The following ADGRD1 variants were observed in gnomAD, a reference collection of about 807,000 sequenced individuals.
ADGRD1 encodes G-protein coupled receptor 133.
A neutral mutation model predicts 113.4 loss-of-function variants in ADGRD1; 77 were observed. The ratio of observed to expected loss-of-function variants is 0.68; its 90% confidence interval spans 0.57 to 0.82. The LOEUF is 0.82. ADGRD1 is among the 40% of genes least tolerant of loss of function. ADGRD1 has a pLI of 0.00. For synonymous variants in ADGRD1, 474 were observed against 475.0 expected, an observed-to-expected ratio of 1.00 and a Z score of 0.03; for missense variants, 1,036 against 1,139.1, an observed-to-expected ratio of 0.91 and a Z score of 1.30.
Position 131,086,714 on chromosome 12 carries a change from C to G in ADGRD1, c.1671+2051C>G, listed in dbSNP as rs567505184. On this transcript the variant is annotated intron_variant, in intron 15 of 24. Transcript: ENST00000261654. ...TGCAGCCAGTGTGATCCCGGCCTCA[C>G]TGGCCGACGGGCAGCTGCTCACGTG... is the stretch of plus-strand genomic sequence containing the variant. 1.6e-3 allele frequency among the ~76,000 whole-genome samples: 247 copies of G among 152,356 alleles called. 1 individual carries two copies. The highest frequency in any genetic ancestry group is 2.2e-3 in the Non-Finnish European group (153 of 68,022).
At chr12:131,031,304 C>T (rs940423739) in intron 13 of ADGRD1, among the ~76,000 whole-genome samples, 1 of 152,240 alleles carries the variant, frequency 6.6e-6, no homozygotes, top group Non-Finnish European at 1.5e-5. Flanking sequence ...GGCTCAAACA[C>T]TGGACGGTGG....
intron 15 of ADGRD1, among the ~76,000 whole-genome samples, chr12:131,104,201 A>G (rs1566112864): frequency 6.6e-6 from 1 of 152,072 alleles, no homozygotes; most frequent in East Asian, 1.9e-4. Flanking sequence ...GGCGGCAGCC[A>G]TTGTGCGGGG....
At position 131,138,124 on chromosome 12, in the gene ADGRD1, C is replaced by T; in HGVS notation, c.2437-13C>T. On this transcript the variant is annotated splice_polypyrimidine_tract_variant and intron_variant, in intron 23 of 24. Transcript: ENST00000261654. ...TCTGAAATTGCTCTCACGATCCCTT[C>T]CCCGCTTTCAAGGTGAGAGCCGCCT... 6.2e-7 allele frequency: 1 copy of T among 1,611,888 alleles called. No individual in the cohort carries two copies.
At position 131,063,159 on chromosome 12, in the gene ADGRD1, T is replaced by C. The variant is rs571442668; in HGVS notation, c.1474-13642T>C. 3.9e-5 allele frequency among the ~76,000 whole-genome samples: 6 copies of C among 152,358 alleles called. No individual in the cohort carries two copies. In the East Asian group the frequency reaches 7.7e-4, roughly 20 times the overall value. ...TTACAGATAGAATCTATAGATATTA[T>C]AGATAGATATGAGTTATGGATCTGG... On this transcript the variant is annotated intron_variant, in intron 13 of 24. Transcript: ENST00000261654.
intron 13 of ADGRD1, among the ~76,000 whole-genome samples, chr12:131,017,598 GCA>G (rs1178998371): frequency 3.4e-5 from 5 of 145,924 alleles, no homozygotes; most frequent in African/African-American, 1.0e-4. Flanking sequence ...CACACTCCCA[GCA>G]CAGACACACC....
chr12:130,955,048 C>A (rs1013641646), intron 2 of ADGRD1, among the ~76,000 whole-genome samples: 1 of 151,554 alleles, frequency 6.6e-6, no homozygotes, highest in African/African-American at 2.4e-5. Context: ...CAACCTCTGC[C>A]TCCCGGGTTC....
intron 4 of ADGRD1, among the ~76,000 whole-genome samples, chr12:130,973,919 C>T (rs1418118214): frequency 1.3e-5 from 2 of 152,108 alleles, no homozygotes; most frequent in African/African-American, 2.4e-5. Context: ...GAGATCTTGT[C>T]TCTAACTTAA....
At position 131,136,234 on chromosome 12, in the gene ADGRD1, G is replaced by C. The variant is rs1951082526; in HGVS notation, c.2394+71G>C. 4.4e-6 allele frequency: 7 copies of C among 1,573,662 alleles called. 1 individual carries two copies. In the Admixed American group the frequency reaches 1.3e-4, roughly 28 times the overall value. On this transcript the variant is annotated intron_variant, in intron 22 of 24. Transcript: ENST00000261654. ...AGGAGCAGGCTTGCAGGGAGCTAGG[G>C]CTGCAGGGGCAGGAGGGAGGCCTGC...
rs972418379 is a variant in ADGRD1, at chr12:131,057,527, C to T, written c.1474-19274C>T. Among the ~76,000 whole-genome samples, 4 of 152,172 alleles carry T rather than the reference C, an allele frequency of 2.6e-5. No homozygotes were observed. The highest frequency in any genetic ancestry group is 7.2e-5 in the African/African-American group (3 of 41,444). On this transcript the variant is annotated intron_variant, in intron 13 of 24. Transcript: ENST00000261654. The surrounding 1 kb of genome is among the most constrained non-coding windows in gnomAD (Gnocchi z 4.2). ...GTTCGTTCTGGAGGCTCAGCGGGAACGTCCACCCCTGCCTGTCTCCTAGTA... is the reference window on the plus strand; with the variant it reads ...GTTCGTTCTGGAGGCTCAGCGGGAATGTCCACCCCTGCCTGTCTCCTAGTA...
At position 131,004,238 on chromosome 12, in the gene ADGRD1, C is replaced by T. The variant is rs1566020530; in HGVS notation, c.1197C>T (p.Arg399=). The T allele has an allele frequency of 6.2e-7, 1 of 1,614,072 alleles. No homozygotes were observed. Among genetic ancestry groups the T allele is most frequent in the African/African-American group, 1.3e-5 (1 of 75,042 alleles). Residue 399 remains arginine, a synonymous_variant, in exon 11 of 25, where the codon CGC becomes CGT. Coordinates refer to ENST00000261654, the MANE Select transcript of ADGRD1 (RefSeq NM_198827.5). The part of the protein sequence containing the change: ...LPKTVNSSHY[R]FPAHGQSFIQ... ...AGACCGTGAATTCCTCCCATTACCG[C>T]TTCCCGGCCCACGGGCAGAGCTTCA... is the stretch of plus-strand genomic sequence containing the variant.
At chr12:131,021,424 C>T (rs1448316528) in intron 13 of ADGRD1, among the ~76,000 whole-genome samples, 1 of 152,166 alleles carries the variant, frequency 6.6e-6, no homozygotes, top group East Asian at 1.9e-4. Flanking sequence ...TCCCTGGTCA[C>T]TGTCCGATGC....
rs368750961 is a variant in ADGRD1, at chr12:131,027,935, C to G, written c.1473+13595C>G. 1 of 152,200 alleles carries G rather than the reference C, an allele frequency of 6.6e-6. No homozygotes were observed. Among genetic ancestry groups the G allele is most frequent in the Non-Finnish European group, 1.5e-5 (1 of 68,048 alleles). 9.4% of individuals were successfully genotyped at this position (152,200 alleles called of 1,614,324 possible). On this transcript the variant is annotated intron_variant, in intron 13 of 24. Transcript: ENST00000261654. This position sits in a 1 kb window ranked among gnomAD's most constrained non-coding sequence, Gnocchi z 5.1. ...CCAGACGCCAGCAGAACAGAGCTGC[C>G]GGATGTTCTAGTGAGCGCGTTTCTG...
At chr12:131,010,147 C>A (rs1337466891) in intron 12 of ADGRD1, among the ~76,000 whole-genome samples, 1 of 152,200 alleles carries the variant, frequency 6.6e-6, no homozygotes, top group Non-Finnish European at 1.5e-5. Context: ...CAGTCTCCTT[C>A]AAGAATTCAC....
At chr12:131,091,391 A>T (rs111997238) in intron 15 of ADGRD1, among the ~76,000 whole-genome samples, 35 of 152,368 alleles carry the variant, frequency 2.3e-4, no homozygotes, top group Middle Eastern at 3.4e-3. Flanking sequence ...GTAAATTCTA[A>T]TACATCCACG....
chr12:131,098,138 T>G (rs1279318116), intron 15 of ADGRD1, among the ~76,000 whole-genome samples: 1 of 144,182 alleles, frequency 6.9e-6, no homozygotes, highest in African/African-American at 2.5e-5. Flanking sequence ...CCTCCCGCGG[T>G]GGCCGCTGTC....
intron 20 of ADGRD1, among the ~76,000 whole-genome samples, chr12:131,122,172 C>T (rs906235852): frequency 6.6e-6 from 1 of 152,048 alleles, no homozygotes; most frequent in Admixed American, 6.6e-5. Flanking sequence ...GAGCAGCTCC[C>T]TGGACTGAGG....
chr12:131,122,339 A>G (rs1422981646), intron 20 of ADGRD1, among the ~76,000 whole-genome samples: 1 of 152,046 alleles, frequency 6.6e-6, no homozygotes, highest in Non-Finnish European at 1.5e-5. Flanking sequence ...TCTTTCAGTG[A>G]ATCGCTGTCA....
At chr12:131,077,490 G>A (rs1175644338) in intron 14 of ADGRD1, among the ~76,000 whole-genome samples, 4 of 152,190 alleles carry the variant, frequency 2.6e-5, no homozygotes, top group Admixed American at 2.0e-4. Context: ...CCTGCCCAAT[G>A]TCTGGGGGAT....
At chr12:131,117,390 G>A (rs778454445) in intron 18 of ADGRD1, among the ~76,000 whole-genome samples, 2 of 152,194 alleles carry the variant, frequency 1.3e-5, no homozygotes, top group Non-Finnish European at 2.9e-5. Flanking sequence ...CTTCAGATAT[G>A]GCTTGATCCA....
Sources: gnomAD v4.1 joint callset for allele counts (sites outside exome capture counted in the v4.1 genomes callset) on GRCh38, gnomAD v4.1.1 for gene constraint, Gnocchi (gnomAD v3.1) non-coding constraint, MANE v1.5 for transcripts, NCBI Gene and HGNC (gene_info 2026-07-23, HGNC 2026-07-21) for gene names.